Variants in SSX2IP observed in about 807,000 individuals in gnomAD.
The protein encoded by SSX2IP is afadin- and alpha-actinin-binding protein.
In SSX2IP, 55 loss-of-function variants were observed where a neutral mutation model predicts 84.9. That is an observed-to-expected ratio of 0.65 (90% CI 0.52 to 0.81). The LOEUF (loss-of-function observed/expected upper bound fraction) is 0.81. Among genes scored for constraint, SSX2IP ranks in the 30% least tolerant of loss-of-function variants. The pLI, the probability that SSX2IP is intolerant of heterozygous loss-of-function variation, is 0.00. For missense variants in SSX2IP, 664 were observed against 705.2 expected, an observed-to-expected ratio of 0.94 and a Z score of 0.66; for synonymous variants, 239 against 234.7, an observed-to-expected ratio of 1.02 and a Z score of -0.17.
rs376196736 is a variant in SSX2IP, at chr1:84,670,667, C to T, written c.192G>A (p.Gln64=). 112 of 1,607,588 alleles carry T rather than the reference C, an allele frequency of 7.0e-5. No individual in the cohort carries two copies. Among genetic ancestry groups the T allele is most frequent in the Middle Eastern group, 3.3e-4 (2 of 5,996 alleles). Residue 64 remains glutamine (Q), a synonymous_variant, in exon 3 of 14, where the codon CAG becomes CAA. Coordinates refer to ENST00000342203, the MANE Select transcript of SSX2IP (RefSeq NM_001166293.2). ...TTACCTGATCAAGATATGAGATACT[C>T]TGTTCAATATTATCTTCTGTGCAGA... ...SAFCTEDNIE[Q]SISYLDQELT...
At chr1:84,681,665 G>T (rs901332731) in intron 1 of SSX2IP, among the ~76,000 whole-genome samples, 5 of 152,180 alleles carry the variant, frequency 3.3e-5, no homozygotes, top group Non-Finnish European at 7.3e-5. Flanking sequence ...ACAATTAAAT[G>T]AGATAATGTG....
rs1393798633 is a variant in SSX2IP, at chr1:84,669,837, T to C, written c.270A>G (p.Thr90=). 2 of 1,613,592 alleles carry C rather than the reference T, an allele frequency of 1.2e-6. No individual in the cohort carries two copies. Among genetic ancestry groups the C allele is most frequent in the Non-Finnish European group, 1.7e-6 (2 of 1,179,656 alleles). Residue 90 remains threonine (T), a synonymous_variant, in exon 4 of 14, where the codon ACA becomes ACG. Coordinates refer to ENST00000342203, the MANE Select transcript of SSX2IP (RefSeq NM_001166293.2). ...SLYEESKGKE[T]KRELNIVAVL... is the part of the protein sequence containing the mutation. ...CAGCTACTATATTTAACTCTCTCTTTGTCTCTTTACCTTTGGATTCTTCAT... is the reference window on the plus strand; with the variant it reads ...CAGCTACTATATTTAACTCTCTCTTCGTCTCTTTACCTTTGGATTCTTCAT...
At chr1:84,681,036 C>CA (rs36092555) in intron 1 of SSX2IP, among the ~76,000 whole-genome samples, 76,938 of 151,946 alleles carry the variant, frequency 0.51, 22,115 homozygotes, top group East Asian at 0.72. Context: ...TCTTGTTGGG[C>CA]AAAAACTGGT....
chr1:84,660,340 A>C (rs1174181163), intron 8 of SSX2IP, among the ~76,000 whole-genome samples: 33 of 152,210 alleles, frequency 2.2e-4, no homozygotes, highest in Admixed American at 2.2e-3. Context: ...GATCTCCCTG[A>C]CTTACCACAT....
At chr1:84,663,762 A>G (rs1044958718) in intron 6 of SSX2IP, among the ~76,000 whole-genome samples, 3 of 152,178 alleles carry the variant, frequency 2.0e-5, no homozygotes, top group Admixed American at 2.0e-4. Flanking sequence ...CAATAAATAA[A>G]TACACACACT....
chr1:84,655,617 T>A, intron 11 of SSX2IP: 1 of 1,337,092 alleles, frequency 7.5e-7, no homozygotes. Context: ...GCTTATAGCG[T>A]TTTTTTTTCT....
At chr1:84,676,365 G>A (rs1654327948) in intron 1 of SSX2IP, among the ~76,000 whole-genome samples, 1 of 152,126 alleles carries the variant, frequency 6.6e-6, no homozygotes, top group Non-Finnish European at 1.5e-5. Flanking sequence ...TCTTTATACT[G>A]TAATAGAAAA....
intron 1 of SSX2IP, among the ~76,000 whole-genome samples, chr1:84,686,060 C>T (rs1264032896): frequency 1.3e-5 from 2 of 152,212 alleles, no homozygotes; most frequent in African/African-American, 4.8e-5. Context: ...CTCCTCCAAA[C>T]TTAATGCTTG....
chr1:84,655,791 A>G (rs761927131), intron 11 of SSX2IP, 41 bp downstream of exon 11: 33 of 1,591,836 alleles, frequency 2.1e-5, no homozygotes, highest in Admixed American at 3.5e-5. Context: ...AGGCCCACCC[A>G]CCCCCAGTAT....
In SSX2IP at chr1:84,647,256, T is replaced by G. The variant is rs1649558301; in HGVS notation, c.*177A>C. 2.1e-6 allele frequency: 1 copy of G among 465,688 alleles called. No homozygotes were observed. The highest frequency in any genetic ancestry group is 3.7e-6 in the Non-Finnish European group (1 of 272,742). 28.8% of individuals were successfully genotyped at this position (465,688 alleles called of 1,614,324 possible). A position where few individuals can be genotyped will look rare whatever the true frequency, so the allele number is the denominator to read the frequency against. ...ACTAAAAATACATATCCAAAGCTTT[T>G]ATATCCTTTTAAATAGATTTAAGAT... On this transcript the variant is annotated 3_prime_UTR_variant, in exon 14 of 14. Transcript: ENST00000342203.
At chr1:84,671,475 A>G (rs1460734044) in intron 1 of SSX2IP, among the ~76,000 whole-genome samples, 167 bp from the exon 2 acceptor site, 1 of 152,206 alleles carries the variant, frequency 6.6e-6, no homozygotes, top group Non-Finnish European at 1.5e-5. Context: ...ATAGAAATAT[A>G]AATAATATGT....
chr1:84,655,829 T>C lies in SSX2IP; in HGVS notation c.1389+3A>G. ...TCAAAAGCACTACAATTGTTTAAAA[T>C]ACCTCCAATCCCAGGCGAATAGCGG... On this transcript the variant is annotated splice_donor_region_variant and intron_variant, in intron 11 of 13. Coordinates refer to ENST00000342203, the MANE Select transcript of SSX2IP (RefSeq NM_001166293.2). 6.2e-6 allele frequency: 10 copies of C among 1,612,422 alleles called. No individual in the cohort carries two copies. The highest frequency in any genetic ancestry group is 8.5e-6 in the Non-Finnish European group (10 of 1,179,316).
At chr1:84,647,648 C>A (rs1557457504) in intron 13 of SSX2IP, 41 bp from the exon 14 acceptor site, 1 of 1,434,540 alleles carries the variant, frequency 7.0e-7, no homozygotes, top group Non-Finnish European at 9.3e-7. Context: ...ACTATCCTCT[C>A]CTTCTTTTGT....
rs775817947 is a variant in SSX2IP at position 84,669,832 on chromosome 1, CTCTT to C, written c.271_274del (p.Lys91GlufsTer3). 1.5e-5 allele frequency: 24 copies of C among 1,613,394 alleles called. No homozygotes were observed. Among genetic ancestry groups the C allele is most frequent in the Middle Eastern group, 1.6e-4 (1 of 6,080 alleles). ...TAGTACAGCTACTATATTTAACTCT[CTCTT>C]TGTCTCTTTACCTTTGGATTCTTCA... On this transcript the variant is annotated frameshift_variant, in exon 4 of 14. Coordinates refer to ENST00000342203, the MANE Select transcript of SSX2IP (RefSeq NM_001166293.2). LOFTEE classifies it high-confidence loss of function.
intron 11 of SSX2IP, among the ~76,000 whole-genome samples, chr1:84,653,354 C>G (rs1413878878): frequency 1.3e-5 from 2 of 152,170 alleles, no homozygotes; most frequent in Non-Finnish European, 2.9e-5. Flanking sequence ...CACTAAACCA[C>G]AAGAGGGCAT....
intron 1 of SSX2IP, among the ~76,000 whole-genome samples, chr1:84,682,685 G>A (rs1010460357): frequency 3.3e-5 from 5 of 151,918 alleles, no homozygotes; most frequent in South Asian, 2.1e-4. Context: ...TGTATTTTTA[G>A]TAGAGATGGG....
chr1:84,651,605 G>A (rs745534533), intron 12 of SSX2IP, among the ~76,000 whole-genome samples: 2 of 151,500 alleles, frequency 1.3e-5, no homozygotes, highest in Non-Finnish European at 2.9e-5. Flanking sequence ...GCACATGCCT[G>A]TAATCCCAGC....
chr1:84,673,399 G>C (rs187664296), intron 1 of SSX2IP, among the ~76,000 whole-genome samples: 1 of 152,154 alleles, frequency 6.6e-6, no homozygotes, highest in Non-Finnish European at 1.5e-5. Context: ...ATGTGTTAAC[G>C]ATGAAAAACA....
intron 1 of SSX2IP, among the ~76,000 whole-genome samples, chr1:84,684,309 A>G (rs1655492043): frequency 6.6e-6 from 1 of 152,216 alleles, no homozygotes; most frequent in African/African-American, 2.4e-5. Context: ...TTTGAGAATC[A>G]CTGCTGTGTT....
Sources: gnomAD v4.1 joint callset for allele counts (sites outside exome capture counted in the v4.1 genomes callset) on GRCh38, gnomAD v4.1.1 for gene constraint, MANE v1.5 for transcripts, NCBI Gene and HGNC (gene_info 2026-07-23, HGNC 2026-07-21) for gene names.